Variants in ARHGEF10L observed in about 807,000 individuals in gnomAD.
ARHGEF10L encodes Rho guanine nucleotide exchange factor 10 like, also known as rho guanine nucleotide exchange factor 10-like protein.
A neutral mutation model predicts 141.2 loss-of-function variants in ARHGEF10L; 69 were observed. That is an observed-to-expected ratio of 0.49 (90% CI 0.40 to 0.60). ARHGEF10L has a LOEUF of 0.60. Ranked by LOEUF, ARHGEF10L falls within the 20% of genes least tolerant of loss-of-function variation. The pLI, the probability that ARHGEF10L is intolerant of heterozygous loss-of-function variation, is 0.00. For synonymous variants in ARHGEF10L, 711 were observed against 718.5 expected, an observed-to-expected ratio of 0.99 and a Z score of 0.17; for missense variants, 1,482 against 1,734.3, an observed-to-expected ratio of 0.85 and a Z score of 2.58.
chr1:17,596,287 G>C (rs1283843295), intron 4 of ARHGEF10L, among the ~76,000 whole-genome samples: 1 of 152,248 alleles, frequency 6.6e-6, no homozygotes, highest in Non-Finnish European at 1.5e-5. Context: ...CCAGCAGCAG[G>C]CTGAACCTGG....
At chr1:17,622,884 T>C (rs940061508) in intron 11 of ARHGEF10L, 112 bp from the exon 12 acceptor site, 2 of 1,146,858 alleles carry the variant, frequency 1.7e-6, no homozygotes, top group African/African-American at 3.1e-5. Flanking sequence ...GATGAGTGCC[T>C]CCCCTCCGTG....
In ARHGEF10L at chr1:17,648,580, T is replaced by C; in HGVS notation, c.2299T>C (p.Cys767Arg). 3 of 1,613,798 alleles carry C rather than the reference T, an allele frequency of 1.9e-6. 1 individual carries two copies. Among genetic ancestry groups the C allele is most frequent in the South Asian group, 2.2e-5 (2 of 91,048 alleles). Residue 767 changes from cysteine to arginine, a missense_variant, in exon 22 of 29, where the codon TGC (cysteine) becomes CGC (arginine). Around this residue, in one of 3 missense-constraint regions of ARHGEF10L, gnomAD observed 858 missense variants for 966.3 expected, o/e 0.89. Coordinates refer to ENST00000361221, the MANE Select transcript of ARHGEF10L (RefSeq NM_018125.4). ...GGAGGAGAACCAGCCAGGCTGGCTA[T>C]GCCCGGATGAGGACAAGAAGAGCAA... ...LREENQPGWL[C>R]PDEDKKSKAP...
In ARHGEF10L at chr1:17,607,778, C is replaced by T. The variant is rs1398637868; in HGVS notation, c.434-24C>T. On this transcript the variant is annotated intron_variant, in intron 6 of 28. Transcript: ENST00000361221. The surrounding 1 kb of genome is among the most constrained non-coding windows in gnomAD (Gnocchi z 4.5). Reference sequence around the variant, plus strand: ...TAGGCTTGGCCTCAGGGCCTGGGCTCACCGGCTGCCGCTTGGCCAGCAGGG... The same window carrying T: ...TAGGCTTGGCCTCAGGGCCTGGGCTTACCGGCTGCCGCTTGGCCAGCAGGG... The T allele has an allele frequency of 7.8e-6, 12 of 1,534,914 alleles. No homozygotes were observed. Among genetic ancestry groups the T allele is most frequent in the South Asian group, 5.0e-5 (4 of 79,794 alleles).
At chr1:17,556,269 CGGCG>C (rs1256598994) in intron 1 of ARHGEF10L, among the ~76,000 whole-genome samples, 2 of 8,510 alleles carry the variant, frequency 2.4e-4, no homozygotes, top group Admixed American at 1.8e-3. Flanking sequence ...GGGAGCATGG[CGGCG>C]GGGGGGGGGC....
intron 2 of ARHGEF10L, among the ~76,000 whole-genome samples, chr1:17,581,329 A>AG (rs1283034977): frequency 6.6e-6 from 1 of 150,524 alleles, no homozygotes; most frequent in Admixed American, 6.6e-5. Flanking sequence ...AAAAAAAAAA[A>AG]AAAGAAAAGA....
At chr1:17,533,982 G>A in the ARHGEF10L span, among the ~76,000 whole-genome samples, 8 of 151,476 alleles carry the variant, frequency 5.3e-5, no homozygotes, top group African/African-American at 9.7e-5. Context: ...TTTTTCTTGA[G>A]ACGGAGTCTT....
At chr1:17,556,402 A>G (rs565983701) in intron 1 of ARHGEF10L, among the ~76,000 whole-genome samples, 1 of 152,230 alleles carries the variant, frequency 6.6e-6, no homozygotes, top group Admixed American at 6.5e-5. Context: ...TCTGGGCCTC[A>G]GTTTCCTCAT....
chr1:17,628,050 A>G (rs2060481943), intron 15 of ARHGEF10L, among the ~76,000 whole-genome samples: 1 of 152,088 alleles, frequency 6.6e-6, no homozygotes, highest in Non-Finnish European at 1.5e-5. Context: ...AAAAAAAAGA[A>G]AATTGGGCTG....
At chr1:17,537,854 C>CAAAAAAAAAAAAAAAAACAAAA (rs2076598188), upstream of ARHGEF10L, among the ~76,000 whole-genome samples, 1 of 79,844 alleles carries the variant, frequency 1.3e-5, no homozygotes, top group Non-Finnish European at 2.4e-5. Flanking sequence ...ACCATCTCTA[C>CAAAAAAAAAAAAAAAAACAAAA]AAAAAAAAAA....
At chr1:17,590,230 G>A (rs2079412997) in intron 4 of ARHGEF10L, among the ~76,000 whole-genome samples, 1 of 152,126 alleles carries the variant, frequency 6.6e-6, no homozygotes, top group South Asian at 2.1e-4. Flanking sequence ...GAGAGGGTGT[G>A]GCTGGCTTCA....
intron 15 of ARHGEF10L, 22 bp from the exon 16 acceptor site, chr1:17,632,299 A>C (rs1203976595): frequency 6.2e-7 from 1 of 1,612,762 alleles, no homozygotes; most frequent in Non-Finnish European, 8.5e-7. Context: ...GCTGATGCTG[A>C]CCTTCCCTGC....
intron 22 of ARHGEF10L, 65 bp downstream of exon 22, chr1:17,648,740 A>T: frequency 6.3e-7 from 1 of 1,579,878 alleles, no homozygotes; most frequent in Non-Finnish European, 8.6e-7. Context: ...CGCCTGGGAG[A>T]ACCAGAGTTT....
At chr1:17,543,964 G>T (rs2076825522) in intron 1 of ARHGEF10L, among the ~76,000 whole-genome samples, 1 of 149,302 alleles carries the variant, frequency 6.7e-6, no homozygotes, top group East Asian at 2.0e-4. Context: ...ATATATTTTT[G>T]AGATGGAGTT....
chr1:17,632,234 C>A, intron 15 of ARHGEF10L, 87 bp from the exon 16 acceptor site: 2 of 1,550,736 alleles, frequency 1.3e-6, no homozygotes, highest in Non-Finnish European at 1.8e-6. Flanking sequence ...GTCTCCCTTT[C>A]TGCACCATGG....
intron 1 of ARHGEF10L, among the ~76,000 whole-genome samples, chr1:17,578,201 G>A (rs990439684): frequency 6.6e-6 from 1 of 152,182 alleles, no homozygotes; most frequent in African/African-American, 2.4e-5. Context: ...CTCAGAGAAA[G>A]GCTGAGCAGA....
At chr1:17,643,851 C>T (rs1012314091) in intron 21 of ARHGEF10L, among the ~76,000 whole-genome samples, 10 of 152,154 alleles carry the variant, frequency 6.6e-5, no homozygotes, top group South Asian at 2.1e-4. Flanking sequence ...AGGTCACACG[C>T]GATTTAGTAC....
chr1:17,635,434 G>T (rs1187294820), intron 18 of ARHGEF10L, among the ~76,000 whole-genome samples: 1 of 152,164 alleles, frequency 6.6e-6, no homozygotes, highest in African/African-American at 2.4e-5. Flanking sequence ...CGGTCCTGAG[G>T]GTGTACCACC....
At chr1:17,667,484 A>G (rs2063059437) in intron 26 of ARHGEF10L, among the ~76,000 whole-genome samples, 1 of 152,184 alleles carries the variant, frequency 6.6e-6, no homozygotes, top group Non-Finnish European at 1.5e-5. Flanking sequence ...CAGAGAAAGA[A>G]TGGGATGGGA....
intron 22 of ARHGEF10L, among the ~76,000 whole-genome samples, chr1:17,651,386 G>A (rs2061926062): frequency 6.6e-6 from 1 of 152,202 alleles, no homozygotes; most frequent in Non-Finnish European, 1.5e-5. Context: ...ATGGAGTAGG[G>A]AGTATCAGGG....
Sources: gnomAD v4.1 joint callset for allele counts (sites outside exome capture counted in the v4.1 genomes callset) on GRCh38, gnomAD v4.1.1 for gene constraint, gnomAD v4.1.1 regional missense constraint, Gnocchi (gnomAD v3.1) non-coding constraint, MANE v1.5 for transcripts, NCBI Gene and HGNC (gene_info 2026-07-23, HGNC 2026-07-21) for gene names.